TENM2: variants seen among roughly 807,000 people sequenced by gnomAD.
TENM2 encodes the protein teneurin-2.
Under a neutral mutation model 245.2 loss-of-function variants are expected in TENM2, and 52 were observed. The observed-to-expected ratio is 0.21, with a 90% CI of 0.17 to 0.27. The LOEUF is 0.27. TENM2 is among the 10% of genes least tolerant of loss of function. The probability of loss-of-function intolerance (pLI) is 1.00; values close to 1 mark genes in which losing one functional copy is unlikely to be tolerated. For missense variants in TENM2, 3,046 were observed against 3,666.8 expected, an observed-to-expected ratio of 0.83 and a Z score of 4.37; for synonymous variants, 1,363 against 1,438.9, an observed-to-expected ratio of 0.95 and a Z score of 1.19.
intron 2 of TENM2, among the ~76,000 whole-genome samples, chr5:167,573,156 A>G (rs1410394514): frequency 1.3e-5 from 2 of 152,030 alleles, no homozygotes; most frequent in African/African-American, 4.8e-5. Context: ...AGCAGTTATG[A>G]TAAGTAGAGT....
At chr5:168,106,271 A>G (rs148908959) in intron 9 of TENM2, among the ~76,000 whole-genome samples, 2 of 152,208 alleles carry the variant, frequency 1.3e-5, no homozygotes, top group Non-Finnish European at 2.9e-5. Context: ...GAATCTTGCC[A>G]TTTTTCTCCC....
chr5:166,994,617 T>C, the TENM2 span, among the ~76,000 whole-genome samples: 1 of 152,220 alleles, frequency 6.6e-6, no homozygotes, highest in African/African-American at 2.4e-5. Context: ...GCATGGCAGA[T>C]TGCCAAAAGG....
the TENM2 span, among the ~76,000 whole-genome samples, chr5:167,257,768 A>G: frequency 6.5e-3 from 988 of 152,260 alleles, 4 homozygotes; most frequent in Middle Eastern, 0.01. Flanking sequence ...TGTCAGAAGT[A>G]AAATAGAAAA....
At chr5:167,571,957 C>T (rs1774292646) in intron 2 of TENM2, among the ~76,000 whole-genome samples, 1 of 152,336 alleles carries the variant, frequency 6.6e-6, no homozygotes, top group East Asian at 1.9e-4. Context: ...CACCACTTCC[C>T]TCCCTGCTAG....
intron 1 of TENM2, among the ~76,000 whole-genome samples, chr5:167,357,976 G>T (rs1223026470): frequency 6.6e-6 from 1 of 152,098 alleles, no homozygotes; most frequent in Non-Finnish European, 1.5e-5. Context: ...GTTATCCCAG[G>T]TAAAGCGTTC....
chr5:167,886,170 G>A (rs1363205), intron 3 of TENM2, among the ~76,000 whole-genome samples: 87,001 of 152,104 alleles, frequency 0.57, 28,874 homozygotes, highest in South Asian at 0.76. Context: ...GTACAGGTGG[G>A]AAAACTGTGG....
At chr5:167,081,014 A>C in the TENM2 span, among the ~76,000 whole-genome samples, 1 of 151,994 alleles carries the variant, frequency 6.6e-6, no homozygotes, top group Non-Finnish European at 1.5e-5. Context: ...ATTTTATGTT[A>C]CTGATCACAT....
At chr5:167,666,307 A>G (rs537182826) in intron 2 of TENM2, among the ~76,000 whole-genome samples, 55 of 152,334 alleles carry the variant, frequency 3.6e-4, no homozygotes, top group African/African-American at 1.3e-3. Flanking sequence ...CTCAGTTCAC[A>G]TAAGTGTTGA....
chr5:167,602,512 C>T (rs1050794507), intron 2 of TENM2, among the ~76,000 whole-genome samples: 18 of 151,998 alleles, frequency 1.2e-4, no homozygotes, highest in East Asian at 3.9e-4. Flanking sequence ...TTTTTGGTCA[C>T]GGTTAGGTCC....
chr5:167,204,026 G>A, the TENM2 span, among the ~76,000 whole-genome samples: 1 of 152,114 alleles, frequency 6.6e-6, no homozygotes, highest in Non-Finnish European at 1.5e-5. Flanking sequence ...AAATAATAAT[G>A]GGAGAGGTTC....
the TENM2 span, among the ~76,000 whole-genome samples, chr5:167,261,511 A>G: frequency 3.9e-5 from 6 of 152,036 alleles, no homozygotes; most frequent in African/African-American, 1.2e-4. Context: ...CATCATCATC[A>G]TCATCTTCTT....
At chr5:167,288,566 A>G (rs1754438631) in intron 1 of TENM2, among the ~76,000 whole-genome samples, 1 of 152,118 alleles carries the variant, frequency 6.6e-6, no homozygotes, top group Non-Finnish European at 1.5e-5. Flanking sequence ...CTCAAAAAAA[A>G]AAAAAAAAGA....
At chr5:167,762,486 C>T (rs1762747161) in intron 2 of TENM2, among the ~76,000 whole-genome samples, 2 of 152,156 alleles carry the variant, frequency 1.3e-5, no homozygotes, top group Admixed American at 6.5e-5. Context: ...TTTCTCTTGC[C>T]CATGTGAAAA....
chr5:167,029,509 C>A, the TENM2 span, among the ~76,000 whole-genome samples: 2 of 152,174 alleles, frequency 1.3e-5, no homozygotes, highest in African/African-American at 4.8e-5. Flanking sequence ...TTTCTCTTCA[C>A]ATCTCCCTTC....
At chr5:167,668,914 C>G (rs535286874) in intron 2 of TENM2, among the ~76,000 whole-genome samples, 2 of 152,154 alleles carry the variant, frequency 1.3e-5, no homozygotes, top group African/African-American at 4.8e-5. Context: ...AGATCCCCCA[C>G]TGAACTTCAG....
At chr5:167,935,197 G>A (rs144095556) in intron 3 of TENM2, among the ~76,000 whole-genome samples, 27 of 152,254 alleles carry the variant, frequency 1.8e-4, no homozygotes, top group African/African-American at 6.5e-4. Flanking sequence ...TGTCAGTGCC[G>A]ATGGCACTCT....
At chr5:167,375,498 T>C in intron 2 of TENM2, 25 bp downstream of exon 4, 1 of 1,550,268 alleles carries the variant, frequency 6.5e-7, no homozygotes, top group Non-Finnish European at 8.7e-7. Context: ...TAAATACCTT[T>C]TAACGTTCTG....
chr5:167,858,828 G>C (rs1771344178), intron 2 of TENM2, among the ~76,000 whole-genome samples: 1 of 147,560 alleles, frequency 6.8e-6, no homozygotes, highest in African/African-American at 2.5e-5. Context: ...CCGGGAGGCA[G>C]CGGCTGGAGG....
intron 28 of TENM2, among the ~76,000 whole-genome samples, chr5:168,261,083 G>A (rs971596511): frequency 6.6e-6 from 1 of 152,132 alleles, no homozygotes; most frequent in Non-Finnish European, 1.5e-5. Context: ...GAGCTGCTGG[G>A]TAATTGAGAA....
Sources: allele counts gnomAD v4.1 joint callset (sites outside exome capture counted in the v4.1 genomes callset), GRCh38; gene constraint gnomAD v4.1.1; transcripts MANE v1.5; gene names NCBI Gene and HGNC (gene_info 2026-07-23, HGNC 2026-07-21).